XPO7: variants seen among roughly 807,000 people sequenced by gnomAD.
XPO7 encodes the protein exportin 7.
XPO7 carries 21 observed loss-of-function variants against 144.3 expected under a neutral mutation model. That is an observed-to-expected ratio of 0.15 (90% CI 0.10 to 0.21). XPO7 has a LOEUF of 0.21. Among genes scored for constraint, XPO7 ranks in the 10% least tolerant of loss-of-function variants. The pLI is 1.00. For missense variants in XPO7, 808 were observed against 1,325.8 expected (o/e 0.61, Z 6.06); for synonymous variants, 580 against 499.6 (o/e 1.16, Z -2.15).
Position 21,987,209 on chromosome 8 carries a change from C to T in XPO7, c.1646C>T (p.Ala549Val). Residue 549 changes from alanine to valine, a missense_variant, in exon 14 of 28, where the codon GCC becomes GTC. Coordinates refer to ENST00000252512, the MANE Select transcript of XPO7 (RefSeq NM_015024.5). Reference protein sequence around the residue: ...AQAGNEKLELAMLSFFEQFRK... With the variant: ...AQAGNEKLELVMLSFFEQFRK... The stretch of plus-strand genomic sequence containing the variant: ...GCGGGTAATGAGAAGCTAGAGTTGG[C>T]CATGCTGAGCTTTTTTGAACAGTTT... 1 of 1,613,978 alleles carries T rather than the reference C, an allele frequency of 6.2e-7. No individual in the cohort carries two copies. The highest frequency in any genetic ancestry group is 8.5e-7 in the Non-Finnish European group (1 of 1,179,892).
At chr8:21,977,868 A>G in intron 8 of XPO7, 25 bp downstream of exon 8, 1 of 1,594,888 alleles carries the variant, frequency 6.3e-7, no homozygotes, top group East Asian at 2.2e-5. Flanking sequence ...CCGTTTCTTA[A>G]AGCAAACCTA....
intron 8 of XPO7, among the ~76,000 whole-genome samples, chr8:21,978,283 A>G (rs1367576806): frequency 1.3e-5 from 2 of 152,244 alleles, no homozygotes; most frequent in African/African-American, 4.8e-5. Flanking sequence ...TTTGAAAGCT[A>G]TTGGGAATGG....
chr8:21,972,763 G>A (rs1171354174), intron 5 of XPO7, among the ~76,000 whole-genome samples: 1 of 152,132 alleles, frequency 6.6e-6, no homozygotes, highest in East Asian at 1.9e-4. Context: ...GCATATTAAT[G>A]ATATCAGCAT....
chr8:21,989,190 TCA>T, intron 16 of XPO7, 107 bp downstream of exon 16: 1 of 1,002,014 alleles, frequency 1.0e-6, no homozygotes. Flanking sequence ...TAGTGTGTAC[TCA>T]CATATCTTCC....
rs367894084 is a variant in XPO7 at position 21,977,857 on chromosome 8, A to G, written c.837+14A>G. 5.6e-5 allele frequency: 91 copies of G among 1,611,246 alleles called. No homozygotes were observed. Among genetic ancestry groups the G allele is most frequent in the Non-Finnish European group, 7.1e-5 (84 of 1,177,910 alleles). ...TTTTCACCTCTGGTGAGTCAGGACT[A>G]CCGTTTCTTAAAGCAAACCTATTCA... On this transcript the variant is annotated intron_variant, in intron 8 of 27. Coordinates refer to ENST00000252512, the MANE Select transcript of XPO7 (RefSeq NM_015024.5).
At chr8:21,930,764 A>C (rs188769633) in intron 1 of XPO7, among the ~76,000 whole-genome samples, 162 of 152,334 alleles carry the variant, frequency 1.1e-3, no homozygotes, top group African/African-American at 3.8e-3. Flanking sequence ...TGTTATAGGA[A>C]GTTGATTATC....
intron 6 of XPO7, among the ~76,000 whole-genome samples, chr8:21,975,125 C>T (rs953341311): frequency 2.6e-5 from 4 of 152,122 alleles, no homozygotes; most frequent in African/African-American, 9.7e-5. Flanking sequence ...CTATATGGTG[C>T]GAAAGCATGT....
At chr8:21,934,545 A>AG (rs1301296193) in intron 1 of XPO7, among the ~76,000 whole-genome samples, 2 of 152,158 alleles carry the variant, frequency 1.3e-5, no homozygotes, top group Non-Finnish European at 2.9e-5. Context: ...AAAAAAAAAA[A>AG]GAAATATTTT....
chr8:21,949,141 C>T (rs560522912), intron 1 of XPO7, among the ~76,000 whole-genome samples: 1 of 152,226 alleles, frequency 6.6e-6, no homozygotes, highest in Non-Finnish European at 1.5e-5. Context: ...TGTTGTATCA[C>T]ATTTTTCAGA....
In XPO7 at chr8:21,923,872, A is replaced by G. The variant is rs118037454; in HGVS notation, c.18+4084A>G. On this transcript the variant is annotated intron_variant, in intron 1 of 27. Transcript: ENST00000252512. Reference sequence around the variant, plus strand: ...AATAAGCTAATGTCTCTCTGTAGGTACAACTACTGAGGCTACTTTGCCCAC... The same window carrying G: ...AATAAGCTAATGTCTCTCTGTAGGTGCAACTACTGAGGCTACTTTGCCCAC... Among the ~76,000 whole-genome samples, 779 of 152,348 alleles carry G rather than the reference A, an allele frequency of 5.1e-3. 47 individuals carry two copies. The South Asian group carries it at 0.12, about 23-fold the overall frequency.
chr8:21,933,026 C>T lies in XPO7; in HGVS notation c.18+13238C>T, dbSNP rs78674473. ...GTGGTATATGGTAGTATTTTACTGC[C>T]GGGATTATAGGCATATATCACATTC... On this transcript the variant is annotated intron_variant, in intron 1 of 27. Transcript: ENST00000252512. Among the ~76,000 whole-genome samples, 83 of 151,288 alleles carry T rather than the reference C, an allele frequency of 5.5e-4. 2 individuals carry two copies. In the East Asian group the frequency reaches 0.015, roughly 28 times the overall value.
intron 9 of XPO7, among the ~76,000 whole-genome samples, 198 bp from the exon 10 acceptor site, chr8:21,981,533 G>A (rs1812411253): frequency 1.3e-5 from 2 of 152,156 alleles, no homozygotes; most frequent in Admixed American, 6.6e-5. Flanking sequence ...GATAATAAAT[G>A]TGACTGTCCC....
intron 8 of XPO7, among the ~76,000 whole-genome samples, chr8:21,978,457 G>A (rs1812295633): frequency 6.6e-6 from 1 of 152,228 alleles, no homozygotes; most frequent in Non-Finnish European, 1.5e-5. Flanking sequence ...GGTGTGCATA[G>A]TGTTTGTTCA....
chr8:21,991,796 C>A, intron 18 of XPO7, 72 bp from the exon 19 acceptor site: 1 of 1,237,532 alleles, frequency 8.1e-7, no homozygotes, highest in Non-Finnish European at 1.1e-6. Context: ...CCTCTTTCAT[C>A]CCATCTTCCC....
chr8:21,989,000 C>T lies in XPO7; in HGVS notation c.1788-3C>T, dbSNP rs768415282. 12 of 1,612,584 alleles carry T rather than the reference C, an allele frequency of 7.4e-6. No individual in the cohort carries two copies. In the East Asian group the frequency reaches 2.7e-4, roughly 36 times the overall value. ...TGCTTTTTTTTTTCTTTTTGTCCTC[C>T]AGCATCACCAACTTGAAGTACTGGG... On this transcript the variant is annotated splice_polypyrimidine_tract_variant and splice_region_variant and intron_variant, in intron 15 of 27. Coordinates refer to ENST00000252512, the MANE Select transcript of XPO7 (RefSeq NM_015024.5).
chr8:21,959,884 C>T (rs1181522479), intron 1 of XPO7, among the ~76,000 whole-genome samples: 2 of 152,202 alleles, frequency 1.3e-5, no homozygotes, highest in Non-Finnish European at 2.9e-5. Flanking sequence ...AGACCGGTAT[C>T]TAACGATCCA....
At chr8:21,980,349 T>C in intron 9 of XPO7, 146 bp downstream of exon 9, 2 of 1,084,332 alleles carry the variant, frequency 1.8e-6, no homozygotes, top group Non-Finnish European at 2.5e-6. Flanking sequence ...TGTAGGCCAA[T>C]TCTGAGATTA....
intron 20 of XPO7, 23 bp from the exon 21 acceptor site, chr8:21,995,469 T>G: frequency 1.3e-6 from 2 of 1,574,888 alleles, no homozygotes; most frequent in Non-Finnish European, 1.7e-6. Flanking sequence ...ATCAGAAATC[T>G]TTCCTTAGCT....
At chr8:21,924,906 C>T (rs185320199) in intron 1 of XPO7, among the ~76,000 whole-genome samples, 1 of 152,286 alleles carries the variant, frequency 6.6e-6, no homozygotes, top group African/African-American at 2.4e-5. Context: ...ACTTAAGCAT[C>T]TACTAATATC....
Sources: allele counts gnomAD v4.1 joint callset (sites outside exome capture counted in the v4.1 genomes callset), GRCh38; gene constraint gnomAD v4.1.1; transcripts MANE v1.5; gene names NCBI Gene and HGNC (gene_info 2026-07-23, HGNC 2026-07-21).